Variants in ESR1 observed in about 807,000 individuals in gnomAD.
The protein encoded by ESR1 is estrogen receptor 1, also known as estrogen receptor.
In ESR1, 12 loss-of-function variants were observed where a neutral mutation model predicts 52.7. The observed-to-expected ratio is 0.23, with a 90% CI of 0.15 to 0.37. The LOEUF is 0.37. Ranked by LOEUF, ESR1 falls within the 10% of genes least tolerant of loss-of-function variation. The pLI is 1.00. For synonymous variants in ESR1, 305 were observed against 316.8 expected, an observed-to-expected ratio of 0.96 and a Z score of 0.39; for missense variants, 584 against 779.7, an observed-to-expected ratio of 0.75 and a Z score of 2.99.
At chr6:151,751,745 A>G (rs1783917599) in intron 2 of ESR1, among the ~76,000 whole-genome samples, 1 of 152,216 alleles carries the variant, frequency 6.6e-6, no homozygotes, top group Non-Finnish European at 1.5e-5. Context: ...AGACATAGAT[A>G]TAACTTGGTT....
intron 5 of ESR1, among the ~76,000 whole-genome samples, chr6:152,047,296 C>T (rs909851047): frequency 1.7e-4 from 26 of 152,048 alleles, no homozygotes; most frequent in African/African-American, 5.8e-4. Flanking sequence ...AGAACCTGGT[C>T]AATTCTAACT....
In ESR1 at chr6:152,101,664, G is replaced by A. The variant is rs2050970255; in HGVS notation, c.*2698G>A. The A allele has an allele frequency of 8.7e-6, 2 of 230,862 alleles. No homozygotes were observed. The highest frequency in any genetic ancestry group is 1.7e-5 in the Non-Finnish European group (2 of 116,744). The allele number at this position is 230,862 out of a possible 1,614,324, so 14.3% of individuals were successfully genotyped here. A position where few individuals can be genotyped will look rare whatever the true frequency, so the allele number is the denominator to read the frequency against. On this transcript the variant is annotated 3_prime_UTR_variant, in exon 8 of 8. Transcript: ENST00000206249. ...GAACATGATTTAAAAAAAAACTCTT[G>A]CCTCTGCTTTCCCCCACTCTGAGGC...
rs10624912 is a variant in ESR1 at position 151,736,375 on chromosome 6, G to GTTTTTTTTTTTTTTTTTTTTTTTTT, written c.-71+34385_-71+34386insTTTTTTTTTTTTTTTTTTTTTTTTT. The stretch of plus-strand genomic sequence containing the variant: ...AAATACTTACTGTATTCCAGGTAGT[G>GTTTTTTTTTTTTTTTTTTTTTTTTT]TTTTTTTTTTTTTTTGAGATGGAGT... On this transcript the variant is annotated intron_variant, in intron 2 of 2. Coordinates refer to the ESR1 transcript ENST00000404742. 7.1e-4 allele frequency among the ~76,000 whole-genome samples: 80 copies of GTTTTTTTTTTTTTTTTTTTTTTTTT among 112,686 alleles called. 7 individuals are homozygous for GTTTTTTTTTTTTTTTTTTTTTTTTT. Among genetic ancestry groups the GTTTTTTTTTTTTTTTTTTTTTTTTT allele is most frequent in the African/African-American group, 2.8e-3 (73 of 26,148 alleles). 73.9% of individuals were successfully genotyped at this position (112,686 alleles called of 152,430 possible). A position where few individuals can be genotyped will look rare whatever the true frequency, so the allele number is the denominator to read the frequency against.
chr6:151,749,094 A>G (rs1783700984), intron 2 of ESR1, among the ~76,000 whole-genome samples: 1 of 151,982 alleles, frequency 6.6e-6, no homozygotes, highest in African/African-American at 2.4e-5. Flanking sequence ...AAATAGAGGC[A>G]AGTATTATAC....
At chr6:152,044,497 C>A (rs2046065772) in intron 5 of ESR1, among the ~76,000 whole-genome samples, 1 of 152,168 alleles carries the variant, frequency 6.6e-6, no homozygotes, top group Non-Finnish European at 1.5e-5. Flanking sequence ...TGAAGTCCCA[C>A]AATAGTCTGC....
intron 2 of ESR1, among the ~76,000 whole-genome samples, chr6:151,849,427 C>T (rs1156518307): frequency 2.0e-5 from 3 of 152,018 alleles, no homozygotes; most frequent in African/African-American, 7.2e-5. Context: ...GGGCAGATCA[C>T]GAGGTCAGGA....
chr6:151,786,762 A>G (rs1194171313), intron 2 of ESR1, among the ~76,000 whole-genome samples: 1 of 151,524 alleles, frequency 6.6e-6, no homozygotes, highest in Non-Finnish European at 1.5e-5. Context: ...ATGGGTAGCT[A>G]GTTATCCCAG....
At chr6:151,981,630 C>A (rs561101714) in intron 4 of ESR1, among the ~76,000 whole-genome samples, 1 of 152,250 alleles carries the variant, frequency 6.6e-6, no homozygotes, top group East Asian at 1.9e-4. Context: ...TTGAGAAATA[C>A]GTGTAGGATG....
At chr6:151,793,578 C>T (rs1776411006) in intron 2 of ESR1, among the ~76,000 whole-genome samples, 1 of 152,198 alleles carries the variant, frequency 6.6e-6, no homozygotes, top group Non-Finnish European at 1.5e-5. Flanking sequence ...GGTTTGCTTA[C>T]ACCAGCATCA....
chr6:151,708,415 T>G (rs1780338132), intron 2 of ESR1, among the ~76,000 whole-genome samples: 1 of 152,116 alleles, frequency 6.6e-6, no homozygotes, highest in Non-Finnish European at 1.5e-5. Context: ...AATTGGGGGT[T>G]TTATTGTTAT....
chr6:151,685,107 C>CATTT (rs1778606428), intron 1 of ESR1, among the ~76,000 whole-genome samples: 1 of 72,914 alleles, frequency 1.4e-5, no homozygotes, highest in Non-Finnish European at 2.5e-5. Flanking sequence ...ACACTGGCCT[C>CATTT]TTTTTTTTTT....
chr6:151,889,960 A>G (rs1181696766), intron 3 of ESR1, among the ~76,000 whole-genome samples: 1 of 152,084 alleles, frequency 6.6e-6, no homozygotes, highest in Non-Finnish European at 1.5e-5. Flanking sequence ...GAATTTTCCA[A>G]AATTATTCTT....
chr6:152,078,240 G>C (rs1318611873), intron 6 of ESR1, among the ~76,000 whole-genome samples: 1 of 152,122 alleles, frequency 6.6e-6, no homozygotes, highest in East Asian at 1.9e-4. Context: ...TTCTCTTGCT[G>C]CTGCCATGTA....
intron 6 of ESR1, among the ~76,000 whole-genome samples, chr6:152,069,742 T>C (rs2048232074): frequency 7.3e-6 from 1 of 136,872 alleles, no homozygotes; most frequent in Non-Finnish European, 1.5e-5. Context: ...ACTGCTGATC[T>C]GACAGGTGGC....
At chr6:152,040,539 G>A (rs1424982132) in intron 5 of ESR1, among the ~76,000 whole-genome samples, 1 of 152,160 alleles carries the variant, frequency 6.6e-6, no homozygotes, top group Non-Finnish European at 1.5e-5. Context: ...TGACCATCCA[G>A]CCAAACCATT....
chr6:151,954,925 G>A (rs1466725559), intron 4 of ESR1, among the ~76,000 whole-genome samples: 4 of 152,166 alleles, frequency 2.6e-5, no homozygotes, highest in Non-Finnish European at 4.4e-5. Context: ...CTGTGATCCA[G>A]ACCAATGCCG....
chr6:151,880,031 A>C (rs1792552099), intron 2 of ESR1, among the ~76,000 whole-genome samples: 1 of 152,114 alleles, frequency 6.6e-6, no homozygotes. Flanking sequence ...CCAAACCAAA[A>C]CCAAAAAACC....
intron 2 of ESR1, among the ~76,000 whole-genome samples, chr6:151,866,333 T>C (rs1368954948): frequency 2.0e-5 from 3 of 151,958 alleles, no homozygotes; most frequent in Non-Finnish European, 4.4e-5. Context: ...CTAGTAGTTA[T>C]TTCTTTTTTT....
intron 2 of ESR1, among the ~76,000 whole-genome samples, chr6:151,781,004 T>C (rs116556662): frequency 0.017 from 2,624 of 152,330 alleles, 83 homozygotes; most frequent in African/African-American, 0.06. Flanking sequence ...CAAATACTAA[T>C]GAAACTAATT....
Sources: gnomAD v4.1 joint callset for allele counts (sites outside exome capture counted in the v4.1 genomes callset) on GRCh38, gnomAD v4.1.1 for gene constraint, MANE v1.5 for transcripts, NCBI Gene and HGNC (gene_info 2026-07-23, HGNC 2026-07-21) for gene names.